Variants in EDNRB observed in about 807,000 individuals in gnomAD.
EDNRB encodes the protein Hirschsprung disease 2.
In EDNRB, 18 loss-of-function variants were observed where a neutral mutation model predicts 46.4. The observed-to-expected ratio is 0.39, with a 90% CI of 0.27 to 0.57. The LOEUF (loss-of-function observed/expected upper bound fraction) is 0.57. EDNRB is among the 20% of genes least tolerant of loss of function. The probability of loss-of-function intolerance (pLI) is 0.61; values close to 1 mark genes in which losing one functional copy is unlikely to be tolerated. For missense variants in EDNRB, 434 were observed against 537.5 expected (o/e 0.81, Z 1.90); for synonymous variants, 213 against 204.9 (o/e 1.04, Z -0.34).
At chr13:77,926,166 A>T (rs1880231111) in intron 1 of EDNRB, among the ~76,000 whole-genome samples, 2 of 152,112 alleles carry the variant, frequency 1.3e-5, no homozygotes, top group Admixed American at 6.5e-5. Context: ...ACCCTGGGAC[A>T]TTTTCCCCAT....
At chr13:77,968,528 C>T (rs1283156378) in intron 1 of EDNRB, among the ~76,000 whole-genome samples, 1 of 151,774 alleles carries the variant, frequency 6.6e-6, no homozygotes, top group Non-Finnish European at 1.5e-5. Flanking sequence ...GGAAGAAATA[C>T]TAAGTTGAAC....
chr13:77,899,638 T>C lies in EDNRB; in HGVS notation c.1194+221A>G, dbSNP rs1193173051. 6.1e-6 allele frequency: 3 copies of C among 489,978 alleles called. No individual in the cohort carries two copies. The East Asian group carries it at 1.1e-4, about 19-fold the overall frequency. The allele number at this position is 489,978 out of a possible 1,614,324, so 30.4% of individuals were successfully genotyped here. A position where few individuals can be genotyped will look rare whatever the true frequency, so the allele number is the denominator to read the frequency against. ...TCAACAATTCCATGAGTGTAACTGA[T>C]TGGCTGAGGCAGTAGGGAGTGGCTG... On this transcript the variant is annotated intron_variant, in intron 6 of 6. Coordinates refer to ENST00000646607, the MANE Select transcript of EDNRB (RefSeq NM_001122659.3).
At chr13:77,938,050 C>T (rs879587226) in intron 1 of EDNRB, among the ~76,000 whole-genome samples, 7 of 152,038 alleles carry the variant, frequency 4.6e-5, no homozygotes, top group East Asian at 3.9e-4. Context: ...TGGGGTCAAG[C>T]GGCATTGCAG....
chr13:77,917,137 A>G (rs1879849987), intron 1 of EDNRB, among the ~76,000 whole-genome samples: 1 of 152,210 alleles, frequency 6.6e-6, no homozygotes, highest in African/African-American at 2.4e-5. Flanking sequence ...GGTCTTGTCC[A>G]TGAAATAATT....
intron 1 of EDNRB, among the ~76,000 whole-genome samples, chr13:77,958,748 A>T (rs1439258722): frequency 1.3e-5 from 2 of 152,222 alleles, no homozygotes; most frequent in Non-Finnish European, 2.9e-5. Context: ...AGATCTAAAG[A>T]AGTTCTGCTA....
chr13:77,903,182 G>A lies in EDNRB; in HGVS notation c.775C>T (p.Pro259Ser), dbSNP rs200431358. The change falls in exon 3 of 7, where the codon CCC becomes TCC. Residue 259 changes from proline to serine, a missense_variant. Physicochemically the swap from Pro to Ser is moderately conservative, Grantham distance 74 (BLOSUM62 -1). Transcript: ENST00000646607. ...GSYLRICLLHPVQKTAFMQFY... is the reference protein window; with the variant it reads ...GSYLRICLLHSVQKTAFMQFY... ...TGCATGAAAGCTGTCTTCTGAACGG[G>A]ATGAAGCAAGCAGATTCGCAGATAA... 6 of 1,612,734 alleles carry A rather than the reference G, an allele frequency of 3.7e-6. No homozygotes were observed. The highest frequency in any genetic ancestry group is 5.1e-6 in the Non-Finnish European group (6 of 1,179,226).
intron 1 of EDNRB, among the ~76,000 whole-genome samples, chr13:77,962,538 G>A (rs1359638707): frequency 6.6e-6 from 1 of 152,160 alleles, no homozygotes; most frequent in African/African-American, 2.4e-5. Flanking sequence ...TATCACAATA[G>A]ATGCAGAAAA....
chr13:77,943,034 G>A (rs1329843718), intron 1 of EDNRB, among the ~76,000 whole-genome samples: 3 of 152,050 alleles, frequency 2.0e-5, no homozygotes, highest in Admixed American at 2.0e-4. Context: ...GGCAATATCA[G>A]TCTAAAATAG....
intron 1 of EDNRB, among the ~76,000 whole-genome samples, chr13:77,947,087 A>T (rs956825019): frequency 2.0e-5 from 3 of 152,350 alleles, no homozygotes; most frequent in African/African-American, 7.2e-5. Context: ...TCATAACACT[A>T]AGTGTAACAG....
At chr13:77,908,391 G>C (rs1420914173) in intron 1 of EDNRB, among the ~76,000 whole-genome samples, 1 of 144,334 alleles carries the variant, frequency 6.9e-6, no homozygotes, top group Non-Finnish European at 1.5e-5. Flanking sequence ...AAAATATAAA[G>C]GTATCCCTGG....
chr13:77,934,620 A>C (rs1880501945), intron 1 of EDNRB, among the ~76,000 whole-genome samples: 1 of 145,920 alleles, frequency 6.9e-6, no homozygotes, highest in Non-Finnish European at 1.5e-5. Flanking sequence ...GGGGCATGTT[A>C]GTAAAGTCAA....
upstream of EDNRB, chr13:77,919,726 G>A: frequency 9.5e-7 from 1 of 1,057,416 alleles, no homozygotes; most frequent in East Asian, 2.6e-5. Flanking sequence ...GCCCGAGGGA[G>A]GGGGGCAGTC....
At chr13:77,900,063 A>G in intron 5 of EDNRB, 96 bp from the exon 6 acceptor site, 3 of 969,302 alleles carry the variant, frequency 3.1e-6, no homozygotes, top group Non-Finnish European at 4.8e-6. Flanking sequence ...AAAAAATGCC[A>G]ATATACAATG....
At chr13:77,913,870 C>T (rs1594369850) in intron 1 of EDNRB, among the ~76,000 whole-genome samples, 2 of 152,178 alleles carry the variant, frequency 1.3e-5, no homozygotes, top group South Asian at 4.1e-4. Context: ...TCTAGATTAC[C>T]CCATTTATTT....
chr13:77,959,291 C>T (rs541168586), intron 1 of EDNRB, among the ~76,000 whole-genome samples: 1 of 152,296 alleles, frequency 6.6e-6, no homozygotes, highest in Non-Finnish European at 1.5e-5. Flanking sequence ...AGGCACCCCT[C>T]AGTAGGGGCA....
upstream of EDNRB, among the ~76,000 whole-genome samples, chr13:77,923,344 C>G (rs1880139258): frequency 6.6e-6 from 1 of 151,972 alleles, no homozygotes; most frequent in Admixed American, 6.6e-5. Flanking sequence ...TGAGTGTAAC[C>G]TGGTCTACAA....
intron 1 of EDNRB, among the ~76,000 whole-genome samples, chr13:77,953,730 T>A (rs1881157293): frequency 6.6e-6 from 1 of 152,102 alleles, no homozygotes; most frequent in African/African-American, 2.4e-5. Context: ...AGATGTTGAA[T>A]GAAGTAAAGG....
intron 6 of EDNRB, among the ~76,000 whole-genome samples, chr13:77,898,973 A>G (rs1294077061): frequency 1.3e-5 from 2 of 151,924 alleles, no homozygotes; most frequent in Non-Finnish European, 2.9e-5. Context: ...ATAGTACAAA[A>G]GCATCTCAGT....
At position 77,897,667 on chromosome 13, in the gene EDNRB, T is replaced by C; in HGVS notation, c.*533A>G. 2.0e-5 allele frequency: 20 copies of C among 986,468 alleles called. No individual in the cohort carries two copies. The highest frequency in any genetic ancestry group is 2.4e-5 in the Non-Finnish European group (20 of 830,782). The allele number at this position is 986,468 out of a possible 1,614,324, so 61.1% of individuals were successfully genotyped here. On this transcript the variant is annotated 3_prime_UTR_variant, in exon 7 of 7. Coordinates refer to ENST00000646607, the MANE Select transcript of EDNRB (RefSeq NM_001122659.3). ...TTAAATGTTTCCAGTGTCCGAAAAA[T>C]GCAACAACTAAACTGCTCTCTCATT... is the stretch of plus-strand genomic sequence containing the variant.
Sources: allele counts gnomAD v4.1 joint callset (sites outside exome capture counted in the v4.1 genomes callset), GRCh38; gene constraint gnomAD v4.1.1; transcripts MANE v1.5; gene names NCBI Gene and HGNC (gene_info 2026-07-23, HGNC 2026-07-21).